The following ANO1 variants were observed in gnomAD, a reference collection of about 807,000 sequenced individuals.
The protein encoded by ANO1 is anoctamin-1.
Under a neutral mutation model 124.0 loss-of-function variants are expected in ANO1, and 59 were observed. The ratio of observed to expected loss-of-function variants is 0.48; its 90% CI spans 0.39 to 0.59. The LOEUF is 0.59. Among genes scored for constraint, ANO1 ranks in the 20% least tolerant of loss-of-function variants. ANO1 has a pLI of 0.00. For missense variants in ANO1, 1,059 were observed against 1,328.0 expected (o/e 0.80, Z 3.15); for synonymous variants, 529 against 532.0 (o/e 0.99, Z 0.08).
At chr11:70,088,393 C>CTCGGCCACT (rs2044479147) in intron 2 of ANO1, among the ~76,000 whole-genome samples, 1 of 151,764 alleles carries the variant, frequency 6.6e-6, no homozygotes, top group African/African-American at 2.4e-5. Context: ...GTCTGTGGCC[C>CTCGGCCACT]CCCTACTCGG....
At chr11:70,074,232 T>TC (rs2044024647), upstream of ANO1, among the ~76,000 whole-genome samples, 1 of 151,940 alleles carries the variant, frequency 6.6e-6, no homozygotes, top group African/African-American at 2.4e-5. Flanking sequence ...CTCCTTTCCC[T>TC]CCCCTGGGCT....
chr11:70,014,278 C>A (rs1240631601), intron 1 of ANO1, among the ~76,000 whole-genome samples: 12 of 121,478 alleles, frequency 9.9e-5, no homozygotes, highest in African/African-American at 1.2e-4. Flanking sequence ...CCCACCCCCC[C>A]ACCAAGGACA....
In ANO1 at chr11:70,004,682, T is replaced by A. The variant is rs2120352835; in HGVS notation, c.58+18516T>A. ...ATCGTGGAGCAATGGAGATATCTTT[T>A]GTGTGGCTGCCCTGCTTTCTTCTAG... is the stretch of plus-strand genomic sequence containing the variant. On this transcript the variant is annotated intron_variant, in intron 1 of 27. Transcript: ENST00000531349. Among the ~76,000 whole-genome samples, 2 of 152,368 alleles carry A rather than the reference T, an allele frequency of 1.3e-5. 1 individual carries two copies.
In ANO1 at chr11:69,992,935, T is replaced by C. The variant is rs146256949; in HGVS notation, c.58+6769T>C. 2.6e-5 allele frequency among the ~76,000 whole-genome samples: 4 copies of C among 152,320 alleles called. No individual in the cohort carries two copies. In the East Asian group the frequency reaches 7.7e-4, roughly 29 times the overall value. ...CATGGCCATTAGGTAGACAAATTAC[T>C]AGTTTCATCTATTTAGCCCTGGAAG... On this transcript the variant is annotated intron_variant, in intron 1 of 27. Transcript: ENST00000531349.
chr11:70,066,959 C>CAG (rs1857741599), intron 1 of ANO1, among the ~76,000 whole-genome samples: 1 of 152,188 alleles, frequency 6.6e-6, no homozygotes. Flanking sequence ...GAAAAAGCAG[C>CAG]CCCCCAGCGG....
Position 70,090,183 on chromosome 11 carries a change from AT to A in ANO1, c.441+2104del, listed in dbSNP as rs528691319. Reference sequence around the variant, plus strand: ...CCGTCACGCCCAGCTAATTTTTTGTATTTTTAGTAGAGACAGGGTTTCACTG... The same window carrying A: ...CCGTCACGCCCAGCTAATTTTTTGTATTTTAGTAGAGACAGGGTTTCACTG... On this transcript the variant is annotated intron_variant, in intron 2 of 25. Coordinates refer to ENST00000355303, the MANE Select transcript of ANO1 (RefSeq NM_018043.7). Among the ~76,000 whole-genome samples, 26 of 151,894 alleles carry A rather than the reference AT, an allele frequency of 1.7e-4. No individual in the cohort carries two copies. In the East Asian group the frequency reaches 5.0e-3, roughly 29 times the overall value.
intron 1 of ANO1, among the ~76,000 whole-genome samples, chr11:70,034,461 G>A (rs1242486248): frequency 6.6e-6 from 1 of 152,174 alleles, no homozygotes; most frequent in Non-Finnish European, 1.5e-5. Context: ...ACCATGCCAG[G>A]AGAGGGAGTC....
rs782549869 is a variant in ANO1, at chr11:70,055,863, C to T, written c.59-22679C>T. ...GTTCAATTGGTTGCACTAGAATTGC[C>T]ACATGCATCCCTGGCTTTTTAGAGT... is the stretch of plus-strand genomic sequence containing the variant. On this transcript the variant is annotated intron_variant, in intron 1 of 27. Coordinates refer to the ANO1 transcript ENST00000531349. Among the ~76,000 whole-genome samples, 88 of 152,050 alleles carry T rather than the reference C, an allele frequency of 5.8e-4. 1 individual carries two copies. Among genetic ancestry groups the T allele is most frequent in the Non-Finnish European group, 1.1e-3 (76 of 67,932 alleles).
intron 24 of ANO1, among the ~76,000 whole-genome samples, chr11:70,184,298 C>T (rs1029913436): frequency 4.6e-5 from 7 of 152,330 alleles, no homozygotes; most frequent in South Asian, 4.1e-4. Context: ...CCTGCCCCCA[C>T]AGACCCTGGG....
chr11:70,108,475 G>A (rs1390991055), intron 6 of ANO1, 71 bp downstream of exon 6: 1 of 1,536,202 alleles, frequency 6.5e-7, no homozygotes, highest in African/African-American at 1.4e-5. Flanking sequence ...AGTCATCTCT[G>A]TGGGAGGCAG....
chr11:70,144,016 C>T (rs1461446770), intron 11 of ANO1, among the ~76,000 whole-genome samples: 1 of 152,088 alleles, frequency 6.6e-6, no homozygotes, highest in Non-Finnish European at 1.5e-5. Flanking sequence ...CTGGCAACTA[C>T]CAATCTGCTT....
rs1401241998 is a variant in ANO1, at chr11:70,048,690, T to G, written c.59-29852T>G. On this transcript the variant is annotated intron_variant, in intron 1 of 27. Coordinates refer to the ANO1 transcript ENST00000531349. ...CCTCCCCTTCTCCCCCTCTCCCCAC[T>G]CTTCTCCACCCCCCACCGCTGACCA... Among the ~76,000 whole-genome samples the G allele has an allele frequency of 1.8e-4, 6 of 32,800 alleles. No homozygotes were observed. The South Asian group carries it at 5.8e-3, about 32-fold the overall frequency. 21.5% of individuals were successfully genotyped at this position (32,800 alleles called of 152,430 possible).
At chr11:70,186,184 G>T (rs1349795561) in intron 25 of ANO1, among the ~76,000 whole-genome samples, 1 of 152,068 alleles carries the variant, frequency 6.6e-6, no homozygotes, top group Non-Finnish European at 1.5e-5. Flanking sequence ...CTACTCAGGA[G>T]GCTGAGGCAA....
intron 1 of ANO1, among the ~76,000 whole-genome samples, chr11:70,013,147 G>A (rs1856631009): frequency 6.6e-6 from 1 of 152,252 alleles, no homozygotes; most frequent in Non-Finnish European, 1.5e-5. Flanking sequence ...AAAACATGGA[G>A]AAAGTGTGTT....
intron 23 of ANO1, among the ~76,000 whole-genome samples, chr11:70,182,034 G>A (rs896883487): frequency 2.0e-5 from 3 of 152,020 alleles, no homozygotes; most frequent in African/African-American, 7.3e-5. Flanking sequence ...AGCCAGAGCC[G>A]GTGCTATAAT....
chr11:70,136,449 C>CACGCCTGTAATCTCAGGAGACTAAG (rs1555036922), intron 11 of ANO1, among the ~76,000 whole-genome samples: 6 of 148,786 alleles, frequency 4.0e-5, no homozygotes, highest in South Asian at 4.5e-4. Flanking sequence ...GCACCTCCCT[C>CACGCCTGTAATCTCAGGAGACTAAG]GCCTCACCCT....
In ANO1 at chr11:70,095,843, T is replaced by C. The variant is rs148735628; in HGVS notation, c.442-7223T>C. On this transcript the variant is annotated intron_variant, in intron 2 of 25. Coordinates refer to ENST00000355303, the MANE Select transcript of ANO1 (RefSeq NM_018043.7). Reference sequence around the variant, plus strand: ...GAGGGGTTGAGCATTTCCCAACATATCTGTTGAGTTTTTAACTCTTTTTAT... The same window carrying C: ...GAGGGGTTGAGCATTTCCCAACATACCTGTTGAGTTTTTAACTCTTTTTAT... Among the ~76,000 whole-genome samples the C allele has an allele frequency of 7.9e-5, 12 of 152,168 alleles. No homozygotes were observed. The East Asian group carries it at 2.3e-3, about 30-fold the overall frequency.
intron 10 of ANO1, among the ~76,000 whole-genome samples, chr11:70,127,407 G>A (rs1463787173): frequency 6.6e-6 from 1 of 152,196 alleles, no homozygotes; most frequent in Non-Finnish European, 1.5e-5. Flanking sequence ...GCATCTGAAT[G>A]TAGATCCGAT....
intron 1 of ANO1, among the ~76,000 whole-genome samples, chr11:70,016,738 G>T (rs1206011937): frequency 6.6e-6 from 1 of 152,248 alleles, no homozygotes; most frequent in Non-Finnish European, 1.5e-5. Flanking sequence ...GCTCAAGCCA[G>T]GCCCCAAAGT....
Sources: gnomAD v4.1 joint callset for allele counts (sites outside exome capture counted in the v4.1 genomes callset) on GRCh38, gnomAD v4.1.1 for gene constraint, MANE v1.5 for transcripts, NCBI Gene and HGNC (gene_info 2026-07-23, HGNC 2026-07-21) for gene names.